Variants in ZNF512B observed in about 807,000 individuals in gnomAD.
The protein encoded by ZNF512B is zinc finger protein 512B.
ZNF512B carries 22 observed loss-of-function variants against 87.8 expected under a neutral mutation model. That is an observed-to-expected ratio of 0.25 (90% CI 0.18 to 0.36). The LOEUF is 0.36. Among genes scored for constraint, ZNF512B ranks in the 10% least tolerant of loss-of-function variants. ZNF512B has a pLI of 1.00. For synonymous variants in ZNF512B, 524 were observed against 490.9 expected, an observed-to-expected ratio of 1.07 and a Z score of -0.89; for missense variants, 1,060 against 1,231.6, an observed-to-expected ratio of 0.86 and a Z score of 2.09.
intron 2 of ZNF512B, 66 bp downstream of exon 2, chr20:63,967,757 AGGGCAAT>A: frequency 1.3e-6 from 2 of 1,568,782 alleles, no homozygotes; most frequent in East Asian, 4.5e-5. Context: ...CAGGACGCCC[AGGGCAAT>A]GGTCCACTCC....
At position 63,963,432 on chromosome 20, in the gene ZNF512B, G is replaced by A. The variant is rs369106922; in HGVS notation, c.1707C>T (p.Asp569=). 173 of 1,548,318 alleles carry A rather than the reference G, an allele frequency of 1.1e-4. 1 individual carries two copies. Among genetic ancestry groups the A allele is most frequent in the South Asian group, 1.8e-4 (15 of 85,108 alleles). ...TMAEHSAKPS[D]AEASEGGEQE... is the part of the protein sequence containing the mutation. ...GCTCGCCCCCTTCGGAGGCCTCGGC[G>A]TCAGAGGGCTGGGGACAGGGTGAGC... The change falls in exon 11 of 17, where the codon GAC becomes GAT. Residue 569 remains aspartate (D), a synonymous_variant. Transcript: ENST00000369888.
At chr20:63,964,029 G>A (rs763927811) in intron 8 of ZNF512B, 42 bp downstream of exon 8, 29 of 1,594,798 alleles carry the variant, frequency 1.8e-5, no homozygotes, top group East Asian at 8.9e-5. Context: ...GGATCTACCC[G>A]CCGTCTAGAG....
At position 63,962,657 on chromosome 20, in the gene ZNF512B, G is replaced by A. The variant is rs528739637; in HGVS notation, c.2093C>T (p.Ala698Val). ...CCAGTCGCGGGCCAGCTCGTCCTCC[G>A]CTATCTCCTGCAGGTGGAACACCGC... Reference protein sequence around the residue: ...QVAVFHLQEIAEDELARDWTK... With the variant: ...QVAVFHLQEIVEDELARDWTK... Residue 698 changes from alanine to valine, a missense_variant, in exon 13 of 17, where the codon GCG becomes GTG. By Grantham distance (64) the Ala-to-Val change is moderately conservative. Transcript: ENST00000369888. 7.5e-6 allele frequency: 12 copies of A among 1,605,906 alleles called. No individual in the cohort carries two copies. The highest frequency in any genetic ancestry group is 1.7e-4 in the Middle Eastern group (1 of 5,976).
In ZNF512B at chr20:63,959,831, G is replaced by A; in HGVS notation, c.*57C>T. On this transcript the variant is annotated 3_prime_UTR_variant, in exon 17 of 17. Coordinates refer to ENST00000369888, the MANE Select transcript of ZNF512B (RefSeq NM_020713.3). Reference sequence around the variant, plus strand: ...GGACAGAGGTCCCGGAGCTGGCCCTGCCTTGAACAGAGGGCGGTGTGGCGG... The same window carrying A: ...GGACAGAGGTCCCGGAGCTGGCCCTACCTTGAACAGAGGGCGGTGTGGCGG... 1 of 1,514,892 alleles carries A rather than the reference G, an allele frequency of 6.6e-7. No individual in the cohort carries two copies. The highest frequency in any genetic ancestry group is 8.8e-7 in the Non-Finnish European group (1 of 1,142,460). 93.8% of individuals were successfully genotyped at this position (1,514,892 alleles called of 1,614,324 possible).
chr20:63,967,234 G>T, intron 3 of ZNF512B, 147 bp downstream of exon 3: 1 of 1,348,408 alleles, frequency 7.4e-7, no homozygotes, highest in Middle Eastern at 2.7e-4. Flanking sequence ...CAGATACAAA[G>T]CCAGGCCACG....
chr20:63,961,170 G>T lies in ZNF512B; in HGVS notation c.2427+139C>A. On this transcript the variant is annotated intron_variant, in intron 16 of 16. Transcript: ENST00000369888. This position sits in a 1 kb window ranked among gnomAD's most constrained non-coding sequence, Gnocchi z 6.4. ...ACCCCACTTTGAGGAGAAACTACCA[G>T]ATTTCTCCACATTGGCCACTCTCCC... 1 of 746,574 alleles carries T rather than the reference G, an allele frequency of 1.3e-6. No homozygotes were observed. Among genetic ancestry groups the T allele is most frequent in the Non-Finnish European group, 2.2e-6 (1 of 447,302 alleles). 46.2% of individuals were successfully genotyped at this position (746,574 alleles called of 1,614,324 possible).
chr20:63,966,749 G>T lies in ZNF512B; in HGVS notation c.426C>A (p.Cys142Ter). Residue 142 changes from cysteine to a stop codon, truncating the protein, a stop_gained, in exon 5 of 17, where the codon TGC (cysteine) becomes TGA (stop). Coordinates refer to ENST00000369888, the MANE Select transcript of ZNF512B (RefSeq NM_020713.3). LOFTEE classifies it high-confidence loss of function. ...GAISDRLAFP[C>*]PFCEAAFTSK... ...AGGTGAATGCGGCCTCGCAGAAGGGGCAGGGGAAGGCCAGGCGATCTGAGA... is the reference window on the plus strand; with the variant it reads ...AGGTGAATGCGGCCTCGCAGAAGGGTCAGGGGAAGGCCAGGCGATCTGAGA... 6.2e-7 allele frequency: 1 copy of T among 1,600,014 alleles called. No homozygotes were observed. Among genetic ancestry groups the T allele is most frequent in the Non-Finnish European group, 8.5e-7 (1 of 1,173,184 alleles).
intron 5 of ZNF512B, 113 bp from the exon 6 acceptor site, chr20:63,964,829 AC>A: frequency 7.1e-7 from 1 of 1,410,998 alleles, no homozygotes; most frequent in Non-Finnish European, 9.4e-7. Flanking sequence ...ACCTTTTCTC[AC>A]CACTGTTCCC....
At chr20:63,962,511 G>A in intron 13 of ZNF512B, 76 bp downstream of exon 13, 1 of 1,557,178 alleles carries the variant, frequency 6.4e-7, no homozygotes, top group Non-Finnish European at 8.7e-7. Context: ...AGCAGTGGCT[G>A]TCCCAAGTCT....
rs553652484 is a variant in ZNF512B, at chr20:63,958,851, G to C, written c.*1037C>G. 2 of 152,620 alleles carry C rather than the reference G, an allele frequency of 1.3e-5. No homozygotes were observed. Among genetic ancestry groups the C allele is most frequent in the Admixed American group, 6.5e-5 (1 of 15,310 alleles). The allele number at this position is 152,620 out of a possible 1,614,324, so 9.5% of individuals were successfully genotyped here. ...GGGGCAGGTTAAAAAAAAAAGTGGGGAGGGGGCTCCCATGAGAGCTTGGCC... is the reference window on the plus strand; with the variant it reads ...GGGGCAGGTTAAAAAAAAAAGTGGGCAGGGGGCTCCCATGAGAGCTTGGCC... On this transcript the variant is annotated 3_prime_UTR_variant, in exon 17 of 17. Transcript: ENST00000369888.
intron 5 of ZNF512B, 35 bp from the exon 6 acceptor site, chr20:63,964,751 CCTAA>C: frequency 6.2e-7 from 1 of 1,600,546 alleles, no homozygotes; most frequent in Non-Finnish European, 8.5e-7. Context: ...GCCAGGAGGG[CCTAA>C]CTGTGGGCCC....
rs200129791 is a variant in ZNF512B at position 63,962,565 on chromosome 20, A to G, written c.2163+22T>C. On this transcript the variant is annotated intron_variant, in intron 13 of 16. Transcript: ENST00000369888. ...ACGCAGAGGCCACGGCGCTGTCCAC[A>G]GCCCTGGGGGGGGCAGCTCACCCGT... 3.2e-3 allele frequency: 5,105 copies of G among 1,597,370 alleles called. 161 individuals carry two copies. The South Asian group carries it at 0.048, about 15-fold the overall frequency.
At chr20:63,960,670 C>A (rs1206749170) in intron 16 of ZNF512B, among the ~76,000 whole-genome samples, 1 of 149,596 alleles carries the variant, frequency 6.7e-6, no homozygotes, top group African/African-American at 2.5e-5. Flanking sequence ...CAGGCAGGCA[C>A]CTGCAGCAGG....
At position 63,959,914 on chromosome 20, in the gene ZNF512B, C is replaced by A. The variant is rs754347846; in HGVS notation, c.2653G>T (p.Gly885Ter). The change falls in exon 17 of 17, where the codon GGA becomes TGA. Residue 885 changes from glycine to a stop codon, truncating the protein, a stop_gained. Transcript: ENST00000369888. LOFTEE classifies it high-confidence loss of function. ...GARGSTGRKV[G>*]VSKAPEK ...CACTTTTCAGGCGCCTTGCTGACTC[C>A]CACCTTCCGGCCGGTGGAGCCCCGG... 1.3e-5 allele frequency: 21 copies of A among 1,600,566 alleles called. No individual in the cohort carries two copies. In the East Asian group the frequency reaches 4.5e-4, roughly 34 times the overall value.
chr20:63,969,891 G>C lies in ZNF512B; in HGVS notation c.-80C>G, dbSNP rs2058963587. 6.8e-6 allele frequency: 1 copy of C among 146,150 alleles called. No homozygotes were observed. Among genetic ancestry groups the C allele is most frequent in the South Asian group, 2.1e-4 (1 of 4,838 alleles). The allele number at this position is 146,150 out of a possible 1,614,324, so 9.1% of individuals were successfully genotyped here. On this transcript the variant is annotated 5_prime_UTR_variant, in exon 1 of 17. Transcript: ENST00000369888. ...CGCGGGGCGCGGGGCGCTGGGTCCGGGCGGCGCAGGCTGCGCGCCGCGCTG... is the reference window on the plus strand; with the variant it reads ...CGCGGGGCGCGGGGCGCTGGGTCCGCGCGGCGCAGGCTGCGCGCCGCGCTG...
intron 12 of ZNF512B, 51 bp downstream of exon 12, chr20:63,963,044 C>G: frequency 6.7e-7 from 1 of 1,489,064 alleles, no homozygotes; most frequent in Non-Finnish European, 8.9e-7. Flanking sequence ...ACACGGAACA[C>G]ACACGGCACA....
At position 63,963,784 on chromosome 20, in the gene ZNF512B, C is replaced by T. The variant is rs2058886585; in HGVS notation, c.1605+5G>A. 1 of 1,613,008 alleles carries T rather than the reference C, an allele frequency of 6.2e-7. No homozygotes were observed. The highest frequency in any genetic ancestry group is 8.5e-7 in the Non-Finnish European group (1 of 1,179,956). ...CCTCCCAGCGCCTTCCGGGAGCTGC[C>T]TTACCTTCTGACACACCTCCATGTG... On this transcript the variant is annotated splice_donor_5th_base_variant and intron_variant, in intron 9 of 16. Coordinates refer to ENST00000369888, the MANE Select transcript of ZNF512B (RefSeq NM_020713.3).
chr20:63,967,935 A>G lies in ZNF512B; in HGVS notation c.16T>C (p.Cys6Arg). 1 of 1,611,034 alleles carries G rather than the reference A, an allele frequency of 6.2e-7. No individual in the cohort carries two copies. The highest frequency in any genetic ancestry group is 8.5e-7 in the Non-Finnish European group (1 of 1,178,384). Residue 6 changes from cysteine (C) to arginine (R), a missense_variant, in exon 2 of 17, where the codon TGC (cysteine) becomes CGC (arginine). Around this residue, in one of 9 missense-constraint regions of ZNF512B, gnomAD observed 134 missense variants for 153.6 expected, o/e 0.87. Transcript: ENST00000369888. Reference sequence around the variant, plus strand: ...CCCGGGAGCCGACGGCCTCCAACGCAGAAAGGATCCGTCATCTCTGCAGAG... The same window carrying G: ...CCCGGGAGCCGACGGCCTCCAACGCGGAAAGGATCCGTCATCTCTGCAGAG... MTDPFCVGGRRLPGSS... is the reference protein window; with the variant it reads MTDPFRVGGRRLPGSS...
intron 1 of ZNF512B, among the ~76,000 whole-genome samples, chr20:63,968,254 C>G (rs967816986): frequency 2.0e-5 from 3 of 152,348 alleles, no homozygotes; most frequent in Non-Finnish European, 4.4e-5. Flanking sequence ...CTACAGTGTA[C>G]GCAGCTCCAC....
Sources: allele counts gnomAD v4.1 joint callset (sites outside exome capture counted in the v4.1 genomes callset), GRCh38; gene constraint gnomAD v4.1.1; regional missense constraint gnomAD v4.1.1; non-coding constraint Gnocchi (gnomAD v3.1); transcripts MANE v1.5; gene names NCBI Gene and HGNC (gene_info 2026-07-23, HGNC 2026-07-21).